NEGR1: variants seen among roughly 807,000 people sequenced by gnomAD.
NEGR1 encodes IgLON family member 4.
NEGR1 carries 10 observed loss-of-function variants against 40.9 expected under a neutral mutation model. The observed-to-expected ratio is 0.24, with a 90% confidence interval of 0.15 to 0.42. NEGR1 has a LOEUF of 0.42. Ranked by LOEUF, NEGR1 falls within the 10% of genes least tolerant of loss-of-function variation. The pLI, the probability that NEGR1 is intolerant of heterozygous loss-of-function variation, is 1.00. For missense variants in NEGR1, 352 were observed against 438.9 expected (o/e 0.80, Z 1.77); for synonymous variants, 185 against 166.8 (o/e 1.11, Z -0.84).
At chr1:71,464,757 C>T (rs1359778499) in intron 6 of NEGR1, among the ~76,000 whole-genome samples, 1 of 152,030 alleles carries the variant, frequency 6.6e-6, no homozygotes, top group Admixed American at 6.6e-5. Flanking sequence ...AACATGCTGC[C>T]TCACCCCTGT....
chr1:71,434,965 C>T (rs947122034), intron 6 of NEGR1, among the ~76,000 whole-genome samples: 2 of 151,952 alleles, frequency 1.3e-5, no homozygotes, highest in Non-Finnish European at 2.9e-5. Context: ...GTGGCGGGCG[C>T]CTGTAGTCCC....
chr1:72,277,036 C>T (rs1656073958), intron 1 of NEGR1, among the ~76,000 whole-genome samples: 1 of 152,022 alleles, frequency 6.6e-6, no homozygotes, highest in East Asian at 1.9e-4. Context: ...AAAAAGGTTC[C>T]AGTGGGAGAT....
At chr1:72,186,168 T>C (rs1652605109) in intron 1 of NEGR1, among the ~76,000 whole-genome samples, 1 of 151,756 alleles carries the variant, frequency 6.6e-6, no homozygotes, top group East Asian at 1.9e-4. Flanking sequence ...TTGGAAAATA[T>C]CATGTAACAA....
chr1:71,682,264 CTATGG>C (rs1652864605), intron 4 of NEGR1, among the ~76,000 whole-genome samples: 1 of 151,562 alleles, frequency 6.6e-6, no homozygotes, highest in African/African-American at 2.4e-5. Flanking sequence ...CTTGGAAGTT[CTATGG>C]AGTGGAATTT....
intron 3 of NEGR1, among the ~76,000 whole-genome samples, chr1:71,742,213 C>A (rs975522424): frequency 2.6e-5 from 4 of 152,274 alleles, no homozygotes; most frequent in South Asian, 2.1e-4. Flanking sequence ...CACCAGGAAC[C>A]AAATCAGCCT....
intron 2 of NEGR1, among the ~76,000 whole-genome samples, chr1:71,869,842 A>G (rs1660224666): frequency 6.6e-6 from 1 of 151,694 alleles, no homozygotes; most frequent in Middle Eastern, 3.2e-3. Flanking sequence ...AATATATAGT[A>G]ATGAGTTGCT....
chr1:72,222,412 T>G (rs1005560183), intron 1 of NEGR1, among the ~76,000 whole-genome samples: 1 of 152,158 alleles, frequency 6.6e-6, no homozygotes. Flanking sequence ...AATAAATCTC[T>G]ACTTCTTCAG....
intron 3 of NEGR1, among the ~76,000 whole-genome samples, chr1:71,732,717 C>T (rs1654923809): frequency 1.3e-5 from 2 of 152,048 alleles, no homozygotes; most frequent in South Asian, 4.1e-4. Context: ...ATATGACTGA[C>T]ACATAAGTCC....
At chr1:71,730,692 C>T (rs1654832376) in intron 3 of NEGR1, among the ~76,000 whole-genome samples, 1 of 150,842 alleles carries the variant, frequency 6.6e-6, no homozygotes, top group South Asian at 2.1e-4. Context: ...ATCAAACAGA[C>T]TATTACCTTC....
chr1:71,943,753 C>T (rs1346733690), intron 1 of NEGR1, among the ~76,000 whole-genome samples: 2 of 151,902 alleles, frequency 1.3e-5, no homozygotes, highest in Non-Finnish European at 2.9e-5. Flanking sequence ...CCTCTTATCC[C>T]GATAATAAAT....
At chr1:72,263,762 T>C (rs572079182) in intron 1 of NEGR1, among the ~76,000 whole-genome samples, 1 of 151,482 alleles carries the variant, frequency 6.6e-6, no homozygotes, top group Admixed American at 6.6e-5. Context: ...AAACTCTCTC[T>C]TACCTCTTAT....
At chr1:72,090,255 C>T (rs987483520) in intron 1 of NEGR1, among the ~76,000 whole-genome samples, 1 of 151,052 alleles carries the variant, frequency 6.6e-6, no homozygotes, top group Non-Finnish European at 1.5e-5. Context: ...TAAGGCAAAA[C>T]GTCCACCAAA....
At chr1:72,199,736 T>C (rs183917522) in intron 1 of NEGR1, among the ~76,000 whole-genome samples, 1 of 152,086 alleles carries the variant, frequency 6.6e-6, no homozygotes, top group Admixed American at 6.6e-5. Context: ...CTATTTTCAA[T>C]CCACTTTTTA....
At chr1:71,507,249 T>C (rs1381472831) in intron 6 of NEGR1, among the ~76,000 whole-genome samples, 5 of 152,040 alleles carry the variant, frequency 3.3e-5, no homozygotes, top group African/African-American at 1.2e-4. Flanking sequence ...ATCCCAGACA[T>C]CCCTAAAGTA....
intron 2 of NEGR1, among the ~76,000 whole-genome samples, chr1:71,817,507 C>T (rs1362008312): frequency 6.6e-6 from 1 of 152,088 alleles, no homozygotes; most frequent in African/African-American, 2.4e-5. Context: ...GCAAACCCAG[C>T]ATCTGCTTCC....
intron 3 of NEGR1, among the ~76,000 whole-genome samples, chr1:71,765,649 C>T (rs1282430572): frequency 6.6e-6 from 1 of 152,058 alleles, no homozygotes; most frequent in East Asian, 1.9e-4. Context: ...ACTGAATTGC[C>T]TCACTGACCA....
rs147257520 is a variant in NEGR1, at chr1:71,839,491, G to A, written c.410-63194C>T. Among the ~76,000 whole-genome samples, 336 of 151,828 alleles carry A rather than the reference G, an allele frequency of 2.2e-3. 1 individual carries two copies. The highest frequency in any genetic ancestry group is 7.8e-3 in the African/African-American group (324 of 41,426). The stretch of plus-strand genomic sequence containing the variant: ...GTCACAAAGTGTTGGGATTACAGGC[G>A]TGAGTCACCACTCCTGGCCGAGACC... On this transcript the variant is annotated intron_variant, in intron 2 of 6. Transcript: ENST00000357731.
chr1:72,067,942 G>A (rs542562022), intron 1 of NEGR1, among the ~76,000 whole-genome samples: 40 of 152,082 alleles, frequency 2.6e-4, no homozygotes, highest in African/African-American at 9.4e-4. Flanking sequence ...TATAGGCTTT[G>A]GTATTCAGTT....
At chr1:72,028,650 T>C (rs1347887441) in intron 1 of NEGR1, among the ~76,000 whole-genome samples, 1 of 152,220 alleles carries the variant, frequency 6.6e-6, no homozygotes, top group Non-Finnish European at 1.5e-5. Flanking sequence ...TTACCTAGTA[T>C]AACTTCCCAC....
Sources: allele counts gnomAD v4.1 joint callset (sites outside exome capture counted in the v4.1 genomes callset), GRCh38; gene constraint gnomAD v4.1.1; transcripts MANE v1.5; gene names NCBI Gene and HGNC (gene_info 2026-07-23, HGNC 2026-07-21).